The following REXO1 variants were observed in gnomAD, a reference collection of about 807,000 sequenced individuals.
REXO1 encodes REX1, RNA exonuclease 1 homolog.
In REXO1, 42 loss-of-function variants were observed where a neutral mutation model predicts 102.6. The observed-to-expected ratio is 0.41, with a 90% CI of 0.32 to 0.53. The LOEUF is 0.53. REXO1 is among the 20% of genes least tolerant of loss of function. The pLI is 0.27. For synonymous variants in REXO1, 908 were observed against 779.1 expected (o/e 1.17, Z -2.76); for missense variants, 1,819 against 1,732.5 (o/e 1.05, Z -0.89).
In REXO1 at chr19:1,823,661, C is replaced by T; in HGVS notation, c.2141G>A (p.Arg714Lys). The T allele has an allele frequency of 7.7e-7, 1 of 1,295,200 alleles. No individual in the cohort carries two copies. Among genetic ancestry groups the T allele is most frequent in the South Asian group, 3.0e-5 (1 of 33,598 alleles). The allele number at this position is 1,295,200 out of a possible 1,614,324, so 80.2% of individuals were successfully genotyped here. A position where few individuals can be genotyped will look rare whatever the true frequency, so the allele number is the denominator to read the frequency against. ...GACGGAGGGCGACTTCTCTGCCAGCCTGGCGGGGGCCTGCAGCAAGCTCGC... is the reference window on the plus strand; with the variant it reads ...GACGGAGGGCGACTTCTCTGCCAGCTTGGCGGGGGCCTGCAGCAAGCTCGC... ...ASASLLQAPA[R>K]LAEKSPSVHI... is the part of the protein sequence containing the mutation. Residue 714 changes from arginine (R) to lysine (K), a missense_variant, in exon 4 of 16, where the codon AGG becomes AAG. By Grantham distance (26) the Arg-to-Lys change is conservative (BLOSUM62 2). Coordinates refer to ENST00000170168, the MANE Select transcript of REXO1 (RefSeq NM_020695.4).
At chr19:1,830,701 C>A in intron 1 of REXO1, 1 of 244,520 alleles carries the variant, frequency 4.1e-6, no homozygotes, top group African/African-American at 2.4e-5. Flanking sequence ...TGAAATCTCC[C>A]TTGCCCGTCA....
Position 1,828,597 on chromosome 19 carries a change from G to A in REXO1, c.192C>T (p.Pro64=), listed in dbSNP as rs757109211. 7 of 1,602,516 alleles carry A rather than the reference G, an allele frequency of 4.4e-6. No individual in the cohort carries two copies. In the East Asian group the frequency reaches 1.1e-4, roughly 26 times the overall value. ...CATTCTCCCTCTGCGCGGGGGGCTTGGGCAGCTCAGGGTTGTAGGGGTCGT... is the reference window on the plus strand; with the variant it reads ...CATTCTCCCTCTGCGCGGGGGGCTTAGGCAGCTCAGGGTTGTAGGGGTCGT... ...LGYDPYNPEL[P]KPPAQRENGT... The change falls in exon 2 of 16, where the codon CCC becomes CCT. Residue 64 remains proline, a synonymous_variant. Coordinates refer to ENST00000170168, the MANE Select transcript of REXO1 (RefSeq NM_020695.4).
At chr19:1,828,676 G>A (rs750533807) in intron 1 of REXO1, 45 bp from the exon 2 acceptor site, 6 of 1,544,166 alleles carry the variant, frequency 3.9e-6, no homozygotes, top group South Asian at 3.5e-5. Flanking sequence ...TGCCGGAGAG[G>A]AGCCCGCAGC....
In REXO1 at chr19:1,827,502, C is replaced by T. The variant is rs1174656525; in HGVS notation, c.1287G>A (p.Arg429=). 1 of 1,581,834 alleles carries T rather than the reference C, an allele frequency of 6.3e-7. No homozygotes were observed. The highest frequency in any genetic ancestry group is 1.4e-5 in the African/African-American group (1 of 72,854). ...QASSPRRKAE[R]PEGTKKKPSS... is the part of the protein sequence containing the mutation. Reference sequence around the variant, plus strand: ...ATGGCTTCTTCTTGGTCCCTTCCGGCCGCTCTGCCTTGCGCCGGGGGCTGC... The same window carrying T: ...ATGGCTTCTTCTTGGTCCCTTCCGGTCGCTCTGCCTTGCGCCGGGGGCTGC... The change falls in exon 2 of 16, where the codon CGG becomes CGA. Residue 429 remains arginine (R), a synonymous_variant. Transcript: ENST00000170168.
intron 3 of REXO1, chr19:1,824,072 T>G (rs987314275): frequency 2.9e-6 from 1 of 350,264 alleles, no homozygotes; most frequent in Non-Finnish European, 5.1e-6. Context: ...ACACTGGCAC[T>G]CCAATCCAAT....
At position 1,815,672 on chromosome 19, in the gene REXO1, AGACT is replaced by A. The variant is rs1208247239; in HGVS notation, c.*390_*393del. On this transcript the variant is annotated 3_prime_UTR_variant, in exon 16 of 16. Coordinates refer to ENST00000170168, the MANE Select transcript of REXO1 (RefSeq NM_020695.4). This position sits in a 1 kb window ranked among gnomAD's most constrained non-coding sequence, Gnocchi z 4.0. Reference sequence around the variant, plus strand: ...AAAAATAACAATACAAAATAAAAAAAGACTGTCTCAAACAAACCTGGGACAAGCC... The same window carrying A: ...AAAAATAACAATACAAAATAAAAAAAGTCTCAAACAAACCTGGGACAAGCC... 7.9e-7 allele frequency: 1 copy of A among 1,268,560 alleles called. No individual in the cohort carries two copies. Among genetic ancestry groups the A allele is most frequent in the South Asian group, 1.7e-5 (1 of 59,990 alleles). 78.6% of individuals were successfully genotyped at this position (1,268,560 alleles called of 1,614,324 possible). A position where few individuals can be genotyped will look rare whatever the true frequency, so the allele number is the denominator to read the frequency against.
intron 1 of REXO1, 96 bp from the exon 2 acceptor site, chr19:1,828,727 G>A: frequency 7.1e-7 from 1 of 1,405,004 alleles, no homozygotes; most frequent in Non-Finnish European, 9.4e-7. Flanking sequence ...GAAGGGAAGA[G>A]ACCTGCCTCC....
intron 5 of REXO1, among the ~76,000 whole-genome samples, chr19:1,821,287 G>A (rs1456621165): frequency 6.6e-6 from 1 of 151,676 alleles, no homozygotes. Context: ...AGAGCTTGCA[G>A]TGAGCCAAGA....
chr19:1,841,717 G>A (rs553491242), intron 1 of REXO1, among the ~76,000 whole-genome samples: 1 of 152,034 alleles, frequency 6.6e-6, no homozygotes, highest in Non-Finnish European at 1.5e-5. Context: ...CAGGGCTCTG[G>A]GGGGAGCGCT....
intron 7 of REXO1, 151 bp downstream of exon 7, chr19:1,819,783 G>T: frequency 1.2e-6 from 1 of 843,714 alleles, no homozygotes; most frequent in Non-Finnish European, 1.7e-6. Context: ...CTGGGAACCA[G>T]GCAGCAGGCA....
chr19:1,820,318 C>A lies in REXO1; in HGVS notation c.2472G>T (p.Leu824=), dbSNP rs1329298439. 4 of 1,613,848 alleles carry A rather than the reference C, an allele frequency of 2.5e-6. No homozygotes were observed. Among genetic ancestry groups the A allele is most frequent in the Middle Eastern group, 1.6e-4 (1 of 6,084 alleles). Residue 824 remains leucine, a synonymous_variant, in exon 6 of 16, where the codon CTG becomes CTT. Transcript: ENST00000170168. ...AGAACTTGAGACACTCCTCGATGAA[C>A]AGGTTGAGATAGCGCTGGCGGATGA... is the stretch of plus-strand genomic sequence containing the variant. ...PTVIRQRYLN[L]FIEECLKFCT... is the part of the protein sequence containing the mutation.
Position 1,826,882 on chromosome 19 carries a change from C to T in REXO1, c.1907G>A (p.Arg636Gln), listed in dbSNP as rs764484225. 25 of 1,574,210 alleles carry T rather than the reference C, an allele frequency of 1.6e-5. No homozygotes were observed. Among genetic ancestry groups the T allele is most frequent in the Admixed American group, 7.3e-5 (4 of 54,536 alleles). The change falls in exon 2 of 16, where the codon CGG becomes CAG. Residue 636 changes from arginine to glutamine, a missense_variant. Coordinates refer to ENST00000170168, the MANE Select transcript of REXO1 (RefSeq NM_020695.4). This position sits in a 1 kb window ranked among gnomAD's most constrained non-coding sequence, Gnocchi z 4.3. ...VKTEDRGRLA[R>Q]QPPKEEKSEE... is the part of the protein sequence containing the mutation. ...CCCAGCACCCGCGCGCCTCACCTGC[C>T]GGGCCAGCCGGCCTCTGTCCTCCGT... is the stretch of plus-strand genomic sequence containing the variant.
chr19:1,832,774 G>A (rs1380590153), intron 1 of REXO1, among the ~76,000 whole-genome samples: 1 of 152,048 alleles, frequency 6.6e-6, no homozygotes, highest in African/African-American at 2.4e-5. Flanking sequence ...AAATTAGCCA[G>A]GCATGGGGGC....
intron 5 of REXO1, 44 bp downstream of exon 5, chr19:1,821,475 G>C (rs761941345): frequency 6.2e-7 from 1 of 1,610,438 alleles, no homozygotes; most frequent in South Asian, 1.1e-5. Context: ...GCCTCAGGGC[G>C]TGGTCTTGGG....
At position 1,828,106 on chromosome 19, in the gene REXO1, G is replaced by A; in HGVS notation, c.683C>T (p.Pro228Leu). ...AGGGTCATACTCCAGGTCTGTGGGT[G>A]GCCTGGAGTTGTCCACCACGTACTT... ...SGKYVVDNSR[P>L]PTDLEYDPLS... The change falls in exon 2 of 16, where the codon CCA (proline) becomes CTA (leucine). Residue 228 changes from proline to leucine, a missense_variant. Transcript: ENST00000170168. 1 of 1,613,042 alleles carries A rather than the reference G, an allele frequency of 6.2e-7. No individual in the cohort carries two copies. The highest frequency in any genetic ancestry group is 1.7e-5 in the Admixed American group (1 of 59,988).
intron 3 of REXO1, among the ~76,000 whole-genome samples, chr19:1,824,957 T>G (rs2069665928): frequency 1.3e-5 from 2 of 151,974 alleles, no homozygotes; most frequent in Admixed American, 1.3e-4. Flanking sequence ...AGCTAATATT[T>G]TGTATCTTTA....
chr19:1,816,930 G>GCC, intron 12 of REXO1, 117 bp from the exon 13 acceptor site: 1 of 822,722 alleles, frequency 1.2e-6, no homozygotes, highest in Non-Finnish European at 2.0e-6. Flanking sequence ...CAGAGACTCT[G>GCC]TGGGACTTCT....
intron 5 of REXO1, among the ~76,000 whole-genome samples, chr19:1,820,601 A>C (rs951115946): frequency 1.3e-5 from 2 of 152,200 alleles, no homozygotes; most frequent in African/African-American, 4.8e-5. Flanking sequence ...AGGTCATGGG[A>C]AACTGAGGCC....
intron 1 of REXO1, among the ~76,000 whole-genome samples, chr19:1,844,395 A>G (rs2011441708): frequency 6.6e-6 from 1 of 152,234 alleles, no homozygotes; most frequent in African/African-American, 2.4e-5. Flanking sequence ...GTGAGGGGCC[A>G]CATCTGAAGA....
Sources: gnomAD v4.1 joint callset for allele counts (sites outside exome capture counted in the v4.1 genomes callset) on GRCh38, gnomAD v4.1.1 for gene constraint, Gnocchi (gnomAD v3.1) non-coding constraint, MANE v1.5 for transcripts, NCBI Gene and HGNC (gene_info 2026-07-23, HGNC 2026-07-21) for gene names.